Variants in HORMAD2 observed in about 807,000 individuals in gnomAD.
HORMAD2 encodes the protein HORMA domain-containing protein 2.
Under a neutral mutation model 38.8 loss-of-function variants are expected in HORMAD2, and 45 were observed. That is an observed-to-expected ratio of 1.16 (90% CI 0.91 to 1.49). HORMAD2 has a LOEUF of 1.49. Ranked by LOEUF, HORMAD2 falls within the 40% of genes most tolerant of loss-of-function variation. The probability of loss-of-function intolerance (pLI) is 0.00; values close to 1 mark genes in which losing one functional copy is unlikely to be tolerated. For missense variants in HORMAD2, 338 were observed against 367.0 expected, an observed-to-expected ratio of 0.92 and a Z score of 0.65; for synonymous variants, 126 against 122.8, an observed-to-expected ratio of 1.03 and a Z score of -0.17.
rs1230438081 is a variant in HORMAD2, at chr22:30,093,950, A to G, written c.-3A>G. ...GTTGAAATAATCCTGATACATTCCT[A>G]CAATGGCCACTGCTCAGCTTTCTCA... On this transcript the variant is annotated 5_prime_UTR_variant, in exon 2 of 11. Transcript: ENST00000336726. 2 of 1,600,836 alleles carry G rather than the reference A, an allele frequency of 1.2e-6. No individual in the cohort carries two copies. The highest frequency in any genetic ancestry group is 1.7e-5 in the Admixed American group (1 of 59,106).
intron 10 of HORMAD2, among the ~76,000 whole-genome samples, chr22:30,125,962 G>T (rs1395485844): frequency 2.0e-5 from 3 of 152,078 alleles, no homozygotes; most frequent in Non-Finnish European, 4.4e-5. Flanking sequence ...TGGACATCTT[G>T]CTTGCTTTGT....
At chr22:30,146,443 C>T (rs184938502) in intron 10 of HORMAD2, among the ~76,000 whole-genome samples, 404 of 152,134 alleles carry the variant, frequency 2.7e-3, no homozygotes, top group African/African-American at 9.1e-3. Flanking sequence ...TGCAGTGAGC[C>T]GAGATCATGC....
intron 10 of HORMAD2, among the ~76,000 whole-genome samples, chr22:30,168,803 C>G (rs772807930): frequency 6.6e-5 from 10 of 152,064 alleles, no homozygotes; most frequent in African/African-American, 9.7e-5. Flanking sequence ...TCTGAAGTAG[C>G]CTCATTGCTT....
chr22:30,134,013 A>G (rs1244860005), intron 10 of HORMAD2, among the ~76,000 whole-genome samples: 1 of 152,148 alleles, frequency 6.6e-6, no homozygotes, highest in Non-Finnish European at 1.5e-5. Context: ...TTTGATGACC[A>G]AAGTTGGAAC....
chr22:30,096,481 A>AT (rs545148119), intron 2 of HORMAD2, among the ~76,000 whole-genome samples: 23,654 of 144,726 alleles, frequency 0.16, 1,946 homozygotes, highest in South Asian at 0.26. Flanking sequence ...TCTCATTGTG[A>AT]TTTTTTTTTT....
chr22:30,129,457 T>G (rs1923128875), intron 10 of HORMAD2, among the ~76,000 whole-genome samples: 1 of 152,100 alleles, frequency 6.6e-6, no homozygotes, highest in Non-Finnish European at 1.5e-5. Flanking sequence ...TTACATATAT[T>G]ATCACTTTCA....
At chr22:30,202,980 G>A in the HORMAD2 span, among the ~76,000 whole-genome samples, 1 of 152,212 alleles carries the variant, frequency 6.6e-6, no homozygotes, top group South Asian at 2.1e-4. Flanking sequence ...GGCCTAGGAG[G>A]CTGGGCCTAC....
At chr22:30,089,098 C>T (rs941633927) in intron 1 of HORMAD2, among the ~76,000 whole-genome samples, 1 of 152,132 alleles carries the variant, frequency 6.6e-6, no homozygotes, top group Admixed American at 6.5e-5. Flanking sequence ...ATATTACCAC[C>T]TATTTATAAT....
the HORMAD2 span, among the ~76,000 whole-genome samples, chr22:30,198,460 C>T: frequency 6.6e-6 from 1 of 152,104 alleles, no homozygotes; most frequent in African/African-American, 2.4e-5. Context: ...GAGTGTCTCC[C>T]CCAGAGGTTC....
chr22:30,088,219 A>G (rs1306599323), intron 1 of HORMAD2, among the ~76,000 whole-genome samples: 3 of 150,252 alleles, frequency 2.0e-5, no homozygotes, highest in Admixed American at 6.7e-5. Context: ...ATATATACAC[A>G]TATATACATA....
chr22:30,089,789 C>T (rs1169694272), intron 1 of HORMAD2, among the ~76,000 whole-genome samples: 1 of 152,212 alleles, frequency 6.6e-6, no homozygotes, highest in Non-Finnish European at 1.5e-5. Flanking sequence ...ACACTAAGCA[C>T]ATTTGCAATG....
chr22:30,173,871 A>G (rs1926269438), intron 10 of HORMAD2, among the ~76,000 whole-genome samples: 1 of 152,218 alleles, frequency 6.6e-6, no homozygotes, highest in African/African-American at 2.4e-5. Flanking sequence ...AGTGATTAAA[A>G]AGAGTCATTT....
chr22:30,099,474 C>CT (rs200206440), intron 3 of HORMAD2, among the ~76,000 whole-genome samples: 2,036 of 152,260 alleles, frequency 0.013, 33 homozygotes, highest in Non-Finnish European at 0.015. Context: ...TCAGTTCTGG[C>CT]TTTTTTCTCA....
intron 2 of HORMAD2, among the ~76,000 whole-genome samples, chr22:30,096,550 C>A (rs562861956): frequency 1.3e-5 from 2 of 151,598 alleles, no homozygotes; most frequent in East Asian, 3.9e-4. Context: ...TCACTGTGAT[C>A]TCTGCCTCCA....
intron 1 of HORMAD2, among the ~76,000 whole-genome samples, chr22:30,081,654 C>T (rs2068477792): frequency 2.6e-5 from 4 of 152,098 alleles, no homozygotes; most frequent in African/African-American, 9.7e-5. Flanking sequence ...CAGCTCACTG[C>T]AACCTCCACC....
At chr22:30,189,702 T>C in the HORMAD2 span, among the ~76,000 whole-genome samples, 2 of 152,152 alleles carry the variant, frequency 1.3e-5, no homozygotes, top group Admixed American at 1.3e-4. Context: ...TAGTGTCTTA[T>C]ATTTCAGTCA....
At chr22:30,158,435 G>C (rs1429815631) in intron 10 of HORMAD2, among the ~76,000 whole-genome samples, 1 of 151,752 alleles carries the variant, frequency 6.6e-6, no homozygotes, top group Non-Finnish European at 1.5e-5. Context: ...GAACTGTAGT[G>C]GTATAGCTTG....
rs116950391 is a variant in HORMAD2, at chr22:30,118,177, C to G, written c.343-803C>G. On this transcript the variant is annotated intron_variant, in intron 7 of 10. Transcript: ENST00000336726. The stretch of plus-strand genomic sequence containing the variant: ...GCTTACTTAGAATGAAATCCAAACC[C>G]CTTACCATAGCCAACAAGGCCCCAT... 1.3e-3 allele frequency among the ~76,000 whole-genome samples: 204 copies of G among 152,278 alleles called. 5 individuals carry two copies. In the East Asian group the frequency reaches 0.034, roughly 25 times the overall value.
chr22:30,187,257 G>T, the HORMAD2 span, among the ~76,000 whole-genome samples: 2 of 152,064 alleles, frequency 1.3e-5, no homozygotes, highest in East Asian at 1.9e-4. Flanking sequence ...TTTGAGATAG[G>T]TACAATCCTT....
Sources: allele counts gnomAD v4.1 joint callset (sites outside exome capture counted in the v4.1 genomes callset), GRCh38; gene constraint gnomAD v4.1.1; transcripts MANE v1.5; gene names NCBI Gene and HGNC (gene_info 2026-07-23, HGNC 2026-07-21).